The following MAML2 variants were observed in gnomAD, a reference collection of about 807,000 sequenced individuals.
The protein encoded by MAML2 is mastermind like transcriptional coactivator 2, also known as mastermind-like protein 2.
A neutral mutation model predicts 96.1 loss-of-function variants in MAML2; 22 were observed. That is an observed-to-expected ratio of 0.23 (90% CI 0.16 to 0.33). The LOEUF is 0.33. Among genes scored for constraint, MAML2 ranks in the 10% least tolerant of loss-of-function variants. The pLI is 1.00. For missense variants in MAML2, 1,367 were observed against 1,392.4 expected (o/e 0.98, Z 0.29); for synonymous variants, 561 against 521.3 (o/e 1.08, Z -1.04).
intron 2 of MAML2, among the ~76,000 whole-genome samples, chr11:96,064,449 G>A (rs558998374): frequency 6.6e-6 from 1 of 152,310 alleles, no homozygotes; most frequent in African/African-American, 2.4e-5. Flanking sequence ...TATTCTGATA[G>A]TTTGTCCGAA....
intron 2 of MAML2, among the ~76,000 whole-genome samples, chr11:96,043,354 A>T (rs925639669): frequency 3.9e-5 from 6 of 152,210 alleles, no homozygotes; most frequent in Non-Finnish European, 7.3e-5. Context: ...GTCCAGGAAC[A>T]GAAAAGTACT....
At chr11:96,319,263 A>C (rs1276631487) in intron 1 of MAML2, among the ~76,000 whole-genome samples, 1 of 152,188 alleles carries the variant, frequency 6.6e-6, no homozygotes, top group Non-Finnish European at 1.5e-5. Context: ...CCTGGCTTTG[A>C]GGGGACTGCA....
At position 96,229,423 on chromosome 11, in the gene MAML2, C is replaced by G. The variant is rs951476840; in HGVS notation, c.513+111960G>C. Among the ~76,000 whole-genome samples, 6 of 151,106 alleles carry G rather than the reference C, an allele frequency of 4.0e-5. No individual in the cohort carries two copies. In the East Asian group the frequency reaches 7.7e-4, roughly 19 times the overall value. On this transcript the variant is annotated intron_variant, in intron 1 of 4. Coordinates refer to ENST00000524717, the MANE Select transcript of MAML2 (RefSeq NM_032427.4). ...CTCTCTTCCCCCAAGGCCTTTCACA[C>G]CCCTGGAGCCCCAGGAAGCCCTCTG... is the stretch of plus-strand genomic sequence containing the variant.
chr11:96,290,617 G>A (rs951719016), intron 1 of MAML2, among the ~76,000 whole-genome samples: 3 of 152,110 alleles, frequency 2.0e-5, no homozygotes, highest in African/African-American at 7.2e-5. Flanking sequence ...AAATCCTAAT[G>A]AGATACAGTT....
rs1863987926 is a variant in MAML2 at position 96,341,221 on chromosome 11, G to A, written c.513+162C>T. 2.6e-5 allele frequency among the ~76,000 whole-genome samples: 4 copies of A among 152,152 alleles called. No homozygotes were observed. The South Asian group carries it at 8.3e-4, about 32-fold the overall frequency. On this transcript the variant is annotated intron_variant, in intron 1 of 4. Coordinates refer to ENST00000524717, the MANE Select transcript of MAML2 (RefSeq NM_032427.4). ...GAGCACCAACAGAACATGATGAGTA[G>A]GCGCATGAAACCACCCGAACACACC...
At chr11:96,152,981 T>G in intron 1 of MAML2, among the ~76,000 whole-genome samples, 1 of 152,138 alleles carries the variant, frequency 6.6e-6, no homozygotes, top group East Asian at 1.9e-4. Context: ...GTGATTCTAA[T>G]TATCACATTT....
intron 1 of MAML2, among the ~76,000 whole-genome samples, chr11:96,254,114 A>G (rs1044420160): frequency 2.0e-5 from 3 of 152,104 alleles, no homozygotes; most frequent in Admixed American, 6.5e-5. Flanking sequence ...ACACAGGGGA[A>G]AGTGATTTGA....
intron 1 of MAML2, among the ~76,000 whole-genome samples, chr11:96,108,729 T>C (rs1317000238): frequency 6.6e-6 from 1 of 151,906 alleles, no homozygotes; most frequent in Non-Finnish European, 1.5e-5. Context: ...ATGAGAAAAA[T>C]AAGACTATAA....
chr11:96,171,707 A>T (rs755476045), intron 1 of MAML2, among the ~76,000 whole-genome samples: 1 of 152,268 alleles, frequency 6.6e-6, no homozygotes, highest in Non-Finnish European at 1.5e-5. Flanking sequence ...TCAGAGCTGG[A>T]GACAGGGTGA....
At chr11:96,275,022 ATGTAT>A (rs1344367372) in intron 1 of MAML2, among the ~76,000 whole-genome samples, 5 of 152,086 alleles carry the variant, frequency 3.3e-5, no homozygotes, top group Non-Finnish European at 4.4e-5. Flanking sequence ...GTTAATGTAT[ATGTAT>A]TGTATCTCAA....
chr11:96,045,461 C>A (rs1157136046), intron 2 of MAML2, among the ~76,000 whole-genome samples: 1 of 152,098 alleles, frequency 6.6e-6, no homozygotes, highest in African/African-American at 2.4e-5. Context: ...TCTGAGATCT[C>A]CCCAAACCTC....
rs568841571 is a variant in MAML2, at chr11:96,202,769, C to A, written c.514-109252G>T. Among the ~76,000 whole-genome samples, 122 of 152,194 alleles carry A rather than the reference C, an allele frequency of 8.0e-4. 1 individual carries two copies. The highest frequency in any genetic ancestry group is 1.5e-3 in the Non-Finnish European group (99 of 68,006). ...TTAGCCTCCCGAGTAGCTGGGATTACAGGCACATGCCACCACGCCTGGCTA... is the reference window on the plus strand; with the variant it reads ...TTAGCCTCCCGAGTAGCTGGGATTAAAGGCACATGCCACCACGCCTGGCTA... On this transcript the variant is annotated intron_variant, in intron 1 of 4. Coordinates refer to ENST00000524717, the MANE Select transcript of MAML2 (RefSeq NM_032427.4).
intron 2 of MAML2, among the ~76,000 whole-genome samples, chr11:96,001,915 C>T (rs1450024850): frequency 6.6e-6 from 1 of 152,156 alleles, no homozygotes; most frequent in Non-Finnish European, 1.5e-5. Context: ...AGCTCTTTCT[C>T]TTCTCCAAAT....
intron 2 of MAML2, among the ~76,000 whole-genome samples, chr11:96,088,819 C>T (rs939492368): frequency 1.3e-5 from 2 of 152,118 alleles, no homozygotes; most frequent in African/African-American, 4.8e-5. Flanking sequence ...AGAAGGGGCA[C>T]AGGAATTGCC....
At chr11:96,106,325 T>C (rs2135826964) in intron 1 of MAML2, among the ~76,000 whole-genome samples, 1 of 152,352 alleles carries the variant, frequency 6.6e-6, no homozygotes, top group East Asian at 1.9e-4. Context: ...TAATTCTCTT[T>C]GTCAAAGCAG....
At chr11:96,202,106 G>C (rs1191945875) in intron 1 of MAML2, among the ~76,000 whole-genome samples, 2 of 148,030 alleles carry the variant, frequency 1.4e-5, no homozygotes, top group African/African-American at 5.0e-5. Context: ...GGCCGAGGCA[G>C]GCGCATCATG....
chr11:96,008,452 C>T (rs774977221), intron 2 of MAML2, among the ~76,000 whole-genome samples: 11 of 152,152 alleles, frequency 7.2e-5, no homozygotes, highest in Non-Finnish European at 1.5e-4. Flanking sequence ...AAATGATATA[C>T]ATTTGGGACT....
chr11:96,002,621 AGAT>A (rs1413292500), intron 2 of MAML2, among the ~76,000 whole-genome samples: 26 of 135,984 alleles, frequency 1.9e-4, no homozygotes, highest in East Asian at 4.7e-4. Flanking sequence ...AGGAGGATGG[AGAT>A]GATGATGATG....
chr11:96,019,576 C>T (rs1448325762), intron 2 of MAML2, among the ~76,000 whole-genome samples: 1 of 151,654 alleles, frequency 6.6e-6, no homozygotes, highest in African/African-American at 2.4e-5. Context: ...TAACTCCTGG[C>T]ATATCAGATT....
Sources: allele counts gnomAD v4.1 joint callset (sites outside exome capture counted in the v4.1 genomes callset), GRCh38; gene constraint gnomAD v4.1.1; transcripts MANE v1.5; gene names NCBI Gene and HGNC (gene_info 2026-07-23, HGNC 2026-07-21).